CMTM7: variants seen among roughly 807,000 people sequenced by gnomAD.
CMTM7 encodes CKLF like MARVEL transmembrane domain containing 7.
Under a neutral mutation model 19.3 loss-of-function variants are expected in CMTM7, and 7 were observed. That is an observed-to-expected ratio of 0.36 (90% CI 0.21 to 0.68). CMTM7 has a LOEUF of 0.68. CMTM7 is among the 30% of genes least tolerant of loss of function. The probability of loss-of-function intolerance (pLI) is 0.60; values close to 1 mark genes in which losing one functional copy is unlikely to be tolerated. For missense variants in CMTM7, 193 were observed against 232.6 expected, an observed-to-expected ratio of 0.83 and a Z score of 1.11; for synonymous variants, 87 against 99.3, an observed-to-expected ratio of 0.88 and a Z score of 0.74.
chr3:32,425,592 C>T (rs1018492150), intron 1 of CMTM7, among the ~76,000 whole-genome samples: 9 of 152,200 alleles, frequency 5.9e-5, no homozygotes, highest in Admixed American at 2.6e-4. Flanking sequence ...TCCCACCAAC[C>T]TTAAGACCAT....
intron 1 of CMTM7, among the ~76,000 whole-genome samples, chr3:32,406,465 G>C (rs1024522002): frequency 6.6e-5 from 10 of 152,154 alleles, no homozygotes; most frequent in Non-Finnish European, 1.5e-4. Flanking sequence ...TCTTCTCCCA[G>C]CGGGCTTTAG....
chr3:32,440,275 T>G (rs1370748290), intron 1 of CMTM7, among the ~76,000 whole-genome samples: 1 of 151,176 alleles, frequency 6.6e-6, no homozygotes, highest in Non-Finnish European at 1.5e-5. Context: ...GGCATGGTGG[T>G]GCATACCTGT....
chr3:32,391,853 A>G lies in CMTM7; in HGVS notation c.-54A>G, dbSNP rs1245367179. On this transcript the variant is annotated 5_prime_UTR_variant, in exon 1 of 5. Coordinates refer to ENST00000334983, the MANE Select transcript of CMTM7 (RefSeq NM_138410.4). Reference sequence around the variant, plus strand: ...CGCCCGCCCCCGGCCCGCCCTCTGTATCTGGCCCCTGGGCAGCTGCCCGGG... The same window carrying G: ...CGCCCGCCCCCGGCCCGCCCTCTGTGTCTGGCCCCTGGGCAGCTGCCCGGG... The G allele has an allele frequency of 9.1e-6, 8 of 879,152 alleles. No individual in the cohort carries two copies. The highest frequency in any genetic ancestry group is 8.6e-5 in the East Asian group (2 of 23,174). 54.5% of individuals were successfully genotyped at this position (879,152 alleles called of 1,614,324 possible). A position where few individuals can be genotyped will look rare whatever the true frequency, so the allele number is the denominator to read the frequency against.
At chr3:32,415,087 C>T (rs1232601488) in intron 1 of CMTM7, among the ~76,000 whole-genome samples, 4 of 152,032 alleles carry the variant, frequency 2.6e-5, no homozygotes, top group Non-Finnish European at 5.9e-5. Context: ...CTGTTCAAAA[C>T]GCAGATTCCT....
intron 1 of CMTM7, among the ~76,000 whole-genome samples, chr3:32,420,244 A>C (rs1048839937): frequency 5.3e-5 from 8 of 152,180 alleles, no homozygotes; most frequent in African/African-American, 1.9e-4. Flanking sequence ...CTCCAGATGC[A>C]TCCAGATCAG....
At chr3:32,428,915 G>C (rs1036512290) in intron 1 of CMTM7, among the ~76,000 whole-genome samples, 1 of 152,156 alleles carries the variant, frequency 6.6e-6, no homozygotes, top group East Asian at 1.9e-4. Flanking sequence ...CACCAGCCAG[G>C]GTTTGCTTGA....
At chr3:32,398,767 T>C (rs962274653) in intron 1 of CMTM7, among the ~76,000 whole-genome samples, 2 of 151,928 alleles carry the variant, frequency 1.3e-5, no homozygotes, top group Non-Finnish European at 2.9e-5. Context: ...GCGGATGGCT[T>C]GAGCCCAGGA....
At chr3:32,392,640 C>T (rs1695856810) in intron 1 of CMTM7, among the ~76,000 whole-genome samples, 2 of 152,210 alleles carry the variant, frequency 1.3e-5, no homozygotes, top group South Asian at 4.1e-4. Context: ...GTCCTGGTCC[C>T]CTGCGCCCTC....
chr3:32,436,549 G>C (rs1696601018), intron 1 of CMTM7, among the ~76,000 whole-genome samples: 1 of 152,142 alleles, frequency 6.6e-6, no homozygotes, highest in Non-Finnish European at 1.5e-5. Flanking sequence ...GGATTTCCTG[G>C]AAAGCCTCTT....
intron 1 of CMTM7, among the ~76,000 whole-genome samples, chr3:32,403,184 TTTATG>T (rs1250604441): frequency 3.5e-4 from 53 of 152,166 alleles, no homozygotes; most frequent in African/African-American, 1.2e-3. Context: ...GGCTAGGTGG[TTTATG>T]TTTTGTTTTG....
intron 1 of CMTM7, among the ~76,000 whole-genome samples, chr3:32,428,595 G>A (rs775943856): frequency 1.3e-5 from 2 of 152,222 alleles, no homozygotes; most frequent in Admixed American, 1.3e-4. Flanking sequence ...GGCTTTGGCT[G>A]TAAGGAGTCA....
At chr3:32,432,697 G>T (rs1696537054) in intron 1 of CMTM7, among the ~76,000 whole-genome samples, 1 of 152,208 alleles carries the variant, frequency 6.6e-6, no homozygotes, top group South Asian at 2.1e-4. Context: ...AGCTTGTGAG[G>T]ATAAGATGGC....
At chr3:32,415,224 G>A (rs1304523301) in intron 1 of CMTM7, among the ~76,000 whole-genome samples, 1 of 150,118 alleles carries the variant, frequency 6.7e-6, no homozygotes, top group Non-Finnish European at 1.5e-5. Flanking sequence ...AATAAACTTT[G>A]GCTGAGGGGC....
At chr3:32,439,534 A>C (rs1446632345) in intron 1 of CMTM7, among the ~76,000 whole-genome samples, 1 of 152,188 alleles carries the variant, frequency 6.6e-6, no homozygotes, top group Non-Finnish European at 1.5e-5. Flanking sequence ...GCTCACTGCA[A>C]CCTCAACCTC....
In CMTM7 at chr3:32,449,350, C is replaced by T. The variant is rs950085921; in HGVS notation, c.334-104C>T. On this transcript the variant is annotated intron_variant, in intron 2 of 4. Transcript: ENST00000334983. The surrounding 1 kb of genome is among the most constrained non-coding windows in gnomAD (Gnocchi z 4.5). ...GCGTGTTGCAAGGGAGAAGAGGAAG[C>T]GTCACTCTCTCCCTTTCTTTTCATG... 5.6e-5 allele frequency: 46 copies of T among 828,234 alleles called. No individual in the cohort carries two copies. The highest frequency in any genetic ancestry group is 1.2e-4 in the Admixed American group (7 of 57,660). 51.3% of individuals were successfully genotyped at this position (828,234 alleles called of 1,614,324 possible).
At position 32,418,447 on chromosome 3, in the gene CMTM7, G is replaced by A. The variant is rs541979143; in HGVS notation, c.160-23393G>A. Among the ~76,000 whole-genome samples, 18 of 152,090 alleles carry A rather than the reference G, an allele frequency of 1.2e-4. No individual in the cohort carries two copies. The South Asian group carries it at 3.3e-3, about 28-fold the overall frequency. On this transcript the variant is annotated intron_variant, in intron 1 of 4. Coordinates refer to ENST00000334983, the MANE Select transcript of CMTM7 (RefSeq NM_138410.4). ...TATCAGTTTTTTTTCCTTATGGATT[G>A]TGTTTTCAGTATCTTATCTAAAAAC... is the stretch of plus-strand genomic sequence containing the variant.
Position 32,454,625 on chromosome 3 carries a change from A to G in CMTM7, c.*371A>G, listed in dbSNP as rs1342052623. 6 of 406,462 alleles carry G rather than the reference A, an allele frequency of 1.5e-5. No homozygotes were observed. The highest frequency in any genetic ancestry group is 4.5e-4 in the Middle Eastern group (1 of 2,214). 25.2% of individuals were successfully genotyped at this position (406,462 alleles called of 1,614,324 possible). A position where few individuals can be genotyped will look rare whatever the true frequency, so the allele number is the denominator to read the frequency against. On this transcript the variant is annotated 3_prime_UTR_variant, in exon 5 of 5. Transcript: ENST00000334983. ...TCCCTTCTACTTCACTCCTCAGGGG[A>G]GTGAAGTGCCTTAAGAAACAAAGCC...
intron 1 of CMTM7, among the ~76,000 whole-genome samples, chr3:32,432,973 A>T (rs1261128249): frequency 1.3e-5 from 2 of 152,154 alleles, no homozygotes; most frequent in African/African-American, 4.8e-5. Context: ...TGCCTATCTA[A>T]AGAATTATGT....
chr3:32,453,481 T>A (rs751821711), intron 4 of CMTM7, among the ~76,000 whole-genome samples: 1 of 152,246 alleles, frequency 6.6e-6, no homozygotes, highest in African/African-American at 2.4e-5. Flanking sequence ...TTAGGAATTC[T>A]TAGCAACTCC....
Sources: allele counts gnomAD v4.1 joint callset (sites outside exome capture counted in the v4.1 genomes callset), GRCh38; gene constraint gnomAD v4.1.1; non-coding constraint Gnocchi (gnomAD v3.1); transcripts MANE v1.5; gene names NCBI Gene and HGNC (gene_info 2026-07-23, HGNC 2026-07-21).